PLCB4: variants seen among roughly 807,000 people sequenced by gnomAD.
The protein encoded by PLCB4 is 1-phosphatidylinositol 4,5-bisphosphate phosphodiesterase beta-4.
In PLCB4, 77 loss-of-function variants were observed where a neutral mutation model predicts 178.8. The ratio of observed to expected loss-of-function variants is 0.43; its 90% CI spans 0.36 to 0.52. The LOEUF is 0.52. Among genes scored for constraint, PLCB4 ranks in the 20% least tolerant of loss-of-function variants. PLCB4 has a pLI of 0.00. For missense variants in PLCB4, 1,024 were observed against 1,453.4 expected (o/e 0.70, Z 4.80); for synonymous variants, 496 against 490.8 (o/e 1.01, Z -0.14).
chr20:9,372,993 C>A, intron 11 of PLCB4, 54 bp from the exon 12 acceptor site: 1 of 763,112 alleles, frequency 1.3e-6, no homozygotes, highest in South Asian at 1.5e-5. Context: ...GTAAATCGTA[C>A]ATACTGTAGC....
intron 29 of PLCB4, among the ~76,000 whole-genome samples, chr20:9,436,721 T>G (rs562860453): frequency 6.6e-6 from 1 of 152,346 alleles, no homozygotes; most frequent in African/African-American, 2.4e-5. Flanking sequence ...CCCATTCCAG[T>G]GCACACGTGG....
intron 2 of PLCB4, among the ~76,000 whole-genome samples, chr20:9,137,564 G>A (rs1180873097): frequency 6.6e-6 from 1 of 152,002 alleles, no homozygotes. Context: ...TAATTATAAT[G>A]TATTTAACTC....
intron 24 of PLCB4, among the ~76,000 whole-genome samples, chr20:9,410,707 G>C (rs958008002): frequency 1.1e-4 from 17 of 152,140 alleles, no homozygotes; most frequent in Admixed American, 9.8e-4. Flanking sequence ...CAGGGATCCT[G>C]AGACCCATCC....
At chr20:9,203,054 A>ATATATATATATATATATATATAT (rs1381757895) in intron 2 of PLCB4, among the ~76,000 whole-genome samples, 2 of 127,448 alleles carry the variant, frequency 1.6e-5, no homozygotes, top group African/African-American at 6.9e-5. Flanking sequence ...AAAAAAAAAA[A>ATATATATATATATATATATATAT]AAATATATAT....
In PLCB4 at chr20:9,444,138, A is replaced by C. The variant is rs747045637; in HGVS notation, c.2815-40A>C. ...TAATCATTGTGATTACAAAAAGAAA[A>C]AACAAAAAACCTATTTTTGATTCTA... On this transcript the variant is annotated intron_variant, in intron 31 of 39. Transcript: ENST00000378473. 2.0e-6 allele frequency: 3 copies of C among 1,522,930 alleles called. No homozygotes were observed. The East Asian group carries it at 6.8e-5, about 34-fold the overall frequency. The allele number at this position is 1,522,930 out of a possible 1,614,324, so 94.3% of individuals were successfully genotyped here.
chr20:9,413,485 C>T lies in PLCB4; in HGVS notation c.2051+2397C>T, dbSNP rs538641241. 2.0e-5 allele frequency among the ~76,000 whole-genome samples: 3 copies of T among 151,828 alleles called. No individual in the cohort carries two copies. The East Asian group carries it at 5.8e-4, about 30-fold the overall frequency. Reference sequence around the variant, plus strand: ...CCATCCTGGCTAACACGGCGAAATCCCGTCTCTACTAAAAATACAAAAAAT... The same window carrying T: ...CCATCCTGGCTAACACGGCGAAATCTCGTCTCTACTAAAAATACAAAAAAT... On this transcript the variant is annotated intron_variant, in intron 25 of 39. Transcript: ENST00000378473.
At chr20:9,400,132 C>T (rs1268370932) in intron 19 of PLCB4, among the ~76,000 whole-genome samples, 2 of 151,986 alleles carry the variant, frequency 1.3e-5, no homozygotes, top group Non-Finnish European at 2.9e-5. Context: ...TTTTTTTAAT[C>T]GTCTGCCTCT....
intron 32 of PLCB4, among the ~76,000 whole-genome samples, chr20:9,453,078 A>G (rs2042862461): frequency 6.6e-6 from 1 of 152,172 alleles, no homozygotes; most frequent in African/African-American, 2.4e-5. Flanking sequence ...GGACTTCGAG[A>G]TGATTGGCAC....
chr20:9,465,082 A>G (rs1223384965), intron 35 of PLCB4, among the ~76,000 whole-genome samples: 1 of 152,214 alleles, frequency 6.6e-6, no homozygotes, highest in Admixed American at 6.5e-5. Context: ...AGAAAGCTTA[A>G]CCACCATGAT....
chr20:9,314,026 AAGCAC>A, intron 4 of PLCB4, among the ~76,000 whole-genome samples: 1 of 152,294 alleles, frequency 6.6e-6, no homozygotes, highest in Admixed American at 6.5e-5. Context: ...CAACCACTCA[AAGCAC>A]AGCTAAGAGG....
At chr20:9,323,809 A>G (rs2029884061) in intron 4 of PLCB4, among the ~76,000 whole-genome samples, 1 of 152,154 alleles carries the variant, frequency 6.6e-6, no homozygotes, top group Admixed American at 6.5e-5. Context: ...TTTCCTGCCC[A>G]AGTGAGGCTC....
At chr20:9,266,256 T>A (rs1432774230) in intron 3 of PLCB4, among the ~76,000 whole-genome samples, 1 of 152,178 alleles carries the variant, frequency 6.6e-6, no homozygotes, top group African/African-American at 2.4e-5. Flanking sequence ...CTGCTTTTTT[T>A]TGTTGTTGTT....
At chr20:9,408,933 A>C in intron 23 of PLCB4, 124 bp from the exon 24 acceptor site, 2 of 861,904 alleles carry the variant, frequency 2.3e-6, no homozygotes, top group Non-Finnish European at 3.7e-6. Context: ...GTAAATGTGA[A>C]ATCTGCTCTG....
intron 2 of PLCB4, among the ~76,000 whole-genome samples, chr20:9,181,095 G>A (rs2093238722): frequency 6.6e-6 from 1 of 152,146 alleles, no homozygotes; most frequent in South Asian, 2.1e-4. Flanking sequence ...CCAAGATAAA[G>A]CCATCAGAGA....
intron 3 of PLCB4, among the ~76,000 whole-genome samples, chr20:9,232,152 T>C (rs1337960706): frequency 1.3e-5 from 2 of 152,148 alleles, no homozygotes; most frequent in African/African-American, 4.8e-5. Flanking sequence ...ACATCTGGCA[T>C]GTGTGTATTG....
intron 28 of PLCB4, among the ~76,000 whole-genome samples, chr20:9,425,672 G>T (rs188281249): frequency 6.6e-5 from 10 of 152,250 alleles, no homozygotes; most frequent in African/African-American, 2.4e-4. Flanking sequence ...ATGTCATTGT[G>T]GCTGCTTACT....
chr20:9,132,551 C>T (rs1386901663), intron 2 of PLCB4, among the ~76,000 whole-genome samples: 2 of 152,126 alleles, frequency 1.3e-5, no homozygotes, highest in Non-Finnish European at 2.9e-5. Flanking sequence ...AAAAACTATA[C>T]TTGATTCTTA....
At chr20:9,133,613 A>G (rs541494935) in intron 2 of PLCB4, among the ~76,000 whole-genome samples, 8 of 152,294 alleles carry the variant, frequency 5.3e-5, no homozygotes, top group African/African-American at 1.9e-4. Context: ...TTGTGAGTTC[A>G]GGGTGAGCTA....
At chr20:9,160,672 C>G (rs141580564) in intron 2 of PLCB4, among the ~76,000 whole-genome samples, 1 of 152,240 alleles carries the variant, frequency 6.6e-6, no homozygotes, top group African/African-American at 2.4e-5. Context: ...AAGCTGTTTT[C>G]TAGACCGAGG....
Sources: allele counts gnomAD v4.1 joint callset (sites outside exome capture counted in the v4.1 genomes callset), GRCh38; gene constraint gnomAD v4.1.1; transcripts MANE v1.5; gene names NCBI Gene and HGNC (gene_info 2026-07-23, HGNC 2026-07-21).